Variants in DNAAF1 observed in about 807,000 individuals in gnomAD.
DNAAF1 encodes dynein assembly factor 1, axonemal.
A neutral mutation model predicts 71.1 loss-of-function variants in DNAAF1; 65 were observed. The ratio of observed to expected loss-of-function variants is 0.91; its 90% CI spans 0.75 to 1.12. The LOEUF is 1.12. Among genes scored for constraint, DNAAF1 ranks in the 50% most tolerant of loss-of-function variants. The pLI is 0.00. For synonymous variants in DNAAF1, 414 were observed against 354.6 expected, an observed-to-expected ratio of 1.17 and a Z score of -1.88; for missense variants, 1,178 against 899.8, an observed-to-expected ratio of 1.31 and a Z score of -3.96.
At chr16:84,175,705 G>C in intron 10 of DNAAF1, 3 of 573,636 alleles carry the variant, frequency 5.2e-6, no homozygotes, top group Non-Finnish European at 6.2e-6. Context: ...AATAGCCAGT[G>C]GCTGGGGGAG....
rs2087617283 is a variant in DNAAF1 at position 84,159,816 on chromosome 16, C to G, written c.863+20C>G. ...GGACAGGTAAGAAGAGAAAAGCCTTCTGATCACATTTTAATATTTAGTAGT... is the reference window on the plus strand; with the variant it reads ...GGACAGGTAAGAAGAGAAAAGCCTTGTGATCACATTTTAATATTTAGTAGT... On this transcript the variant is annotated intron_variant, in intron 6 of 11. Transcript: ENST00000378553. The G allele has an allele frequency of 1.2e-6, 2 of 1,612,628 alleles. No homozygotes were observed. The highest frequency in any genetic ancestry group is 1.7e-5 in the Admixed American group (1 of 59,994).
intron 7 of DNAAF1, among the ~76,000 whole-genome samples, chr16:84,167,174 T>C (rs2088057702): frequency 1.3e-5 from 2 of 152,164 alleles, no homozygotes; most frequent in Non-Finnish European, 2.9e-5. Context: ...AGAACACTTA[T>C]ATTTTCTGGG....
At chr16:84,148,974 AT>A in intron 1 of DNAAF1, 32 bp from the exon 2 acceptor site, 1 of 1,613,478 alleles carries the variant, frequency 6.2e-7, no homozygotes. Context: ...ATATATCTTG[AT>A]CTCTACAGAC....
intron 5 of DNAAF1, 64 bp downstream of exon 5, chr16:84,155,813 A>C: frequency 6.3e-7 from 1 of 1,581,620 alleles, no homozygotes; most frequent in Non-Finnish European, 8.6e-7. Context: ...TATTTTCATC[A>C]AATATCAAGT....
intron 3 of DNAAF1, among the ~76,000 whole-genome samples, chr16:84,153,342 A>C (rs1567539272): frequency 6.6e-6 from 1 of 152,206 alleles, no homozygotes. Flanking sequence ...CATGGCACAC[A>C]TTTACCTATG....
chr16:84,157,955 C>G (rs1322166962), intron 5 of DNAAF1, among the ~76,000 whole-genome samples: 1 of 152,134 alleles, frequency 6.6e-6, no homozygotes, highest in East Asian at 1.9e-4. Flanking sequence ...CGCCTGTAAT[C>G]CCAGCGCTCT....
intron 11 of DNAAF1, 115 bp from the exon 12 acceptor site, chr16:84,177,614 C>T: frequency 1.2e-6 from 1 of 861,970 alleles, no homozygotes; most frequent in African/African-American, 1.6e-5. Flanking sequence ...CAGGTATGAG[C>T]CACCACGCCC....
rs1306043771 is a variant in DNAAF1 at position 84,154,783 on chromosome 16, A to T, written c.559A>T (p.Thr187Ser). ...TAACCTCAGCAACAATTACATCAAG[A>T]CCATTGAAAACCTCTGTAAGGGTAC... ...ALNLSNNYIK[T>S]IENLSCLPVL... Residue 187 changes from threonine (T) to serine (S), a missense_variant, in exon 4 of 12, where the codon ACC (threonine) becomes TCC (serine). By Grantham distance (58) the Thr-to-Ser change is moderately conservative. Transcript: ENST00000378553. The T allele has an allele frequency of 6.2e-7, 1 of 1,613,810 alleles. No homozygotes were observed.
At chr16:84,172,424 T>C (rs777301957) in intron 9 of DNAAF1, 49 bp downstream of exon 9, 86 of 1,601,872 alleles carry the variant, frequency 5.4e-5, no homozygotes, top group South Asian at 1.3e-4. Flanking sequence ...TTACTGTTAG[T>C]AAAATAGGTA....
chr16:84,157,423 T>A (rs1175259495), intron 5 of DNAAF1, among the ~76,000 whole-genome samples: 1 of 149,578 alleles, frequency 6.7e-6, no homozygotes, highest in Non-Finnish European at 1.5e-5. Flanking sequence ...CTTGGGAGGC[T>A]GAGGCATGAG....
chr16:84,168,758 G>A (rs929166821), intron 7 of DNAAF1, among the ~76,000 whole-genome samples: 11 of 150,972 alleles, frequency 7.3e-5, no homozygotes, highest in South Asian at 6.3e-4. Flanking sequence ...ATAGTAAAAC[G>A]GATAGCTGTA....
chr16:84,172,751 C>T, intron 9 of DNAAF1: 1 of 1,153,492 alleles, frequency 8.7e-7, no homozygotes, highest in Non-Finnish European at 1.1e-6. Flanking sequence ...TACATTGTAT[C>T]ATCAGTTACA....
intron 5 of DNAAF1, among the ~76,000 whole-genome samples, chr16:84,157,845 C>A (rs1376387917): frequency 1.3e-5 from 2 of 152,122 alleles, no homozygotes; most frequent in Non-Finnish European, 1.5e-5. Flanking sequence ...ATATTATAAT[C>A]CCCCCGTTTG....
intron 9 of DNAAF1, chr16:84,173,357 G>C: frequency 1.6e-6 from 1 of 632,346 alleles, no homozygotes; most frequent in Non-Finnish European, 2.0e-6. Context: ...CCAGCTACTT[G>C]GGAGGCTGAG....
chr16:84,177,579 T>A, intron 11 of DNAAF1, 150 bp from the exon 12 acceptor site: 1 of 702,682 alleles, frequency 1.4e-6, no homozygotes, highest in Non-Finnish European at 2.6e-6. Context: ...TCTGTTTGCC[T>A]CGGCCTCCCA....
At chr16:84,166,021 G>A (rs776043670) in intron 7 of DNAAF1, 72 bp downstream of exon 7, 1 of 1,269,332 alleles carries the variant, frequency 7.9e-7, no homozygotes, top group Non-Finnish European at 1.1e-6. Context: ...CTCAAACCCA[G>A]TCTTTAATCT....
chr16:84,165,896 T>A lies in DNAAF1; in HGVS notation c.977T>A (p.Met326Lys). Residue 326 changes from methionine to lysine, a missense_variant, in exon 7 of 12, where the codon ATG (methionine) becomes AAG (lysine). Transcript: ENST00000378553. ...ACAGACAGCATTGAAGCCTTGGCCA[T>A]GATCAAGCAGCGGGCAGAGGAGAGG... ...KITDSIEALA[M>K]IKQRAEERKR... 6.2e-7 allele frequency: 1 copy of A among 1,613,386 alleles called. No homozygotes were observed. Among genetic ancestry groups the A allele is most frequent in the Middle Eastern group, 1.7e-4 (1 of 5,972 alleles).
chr16:84,161,435 G>A (rs1375364164), intron 6 of DNAAF1, among the ~76,000 whole-genome samples: 2 of 152,198 alleles, frequency 1.3e-5, no homozygotes, highest in Non-Finnish European at 2.9e-5. Flanking sequence ...ACCCAGGCAG[G>A]AGTGCAGTGG....
At chr16:84,167,735 G>A (rs1313701845) in intron 7 of DNAAF1, among the ~76,000 whole-genome samples, 4 of 152,210 alleles carry the variant, frequency 2.6e-5, no homozygotes. Context: ...TACAAATCTG[G>A]CCGGGTGTGG....
Sources: allele counts gnomAD v4.1 joint callset (sites outside exome capture counted in the v4.1 genomes callset), GRCh38; gene constraint gnomAD v4.1.1; transcripts MANE v1.5; gene names NCBI Gene and HGNC (gene_info 2026-07-23, HGNC 2026-07-21).